Variants in ITGA11 observed in about 807,000 individuals in gnomAD.
ITGA11 encodes integrin subunit alpha 11.
In ITGA11, 97 loss-of-function variants were observed where a neutral mutation model predicts 141.9. The observed-to-expected ratio is 0.68, with a 90% CI of 0.58 to 0.81. The LOEUF is 0.81. Ranked by LOEUF, ITGA11 falls within the 30% of genes least tolerant of loss-of-function variation. The pLI is 0.00. For synonymous variants in ITGA11, 658 were observed against 624.6 expected, an observed-to-expected ratio of 1.05 and a Z score of -0.80; for missense variants, 1,387 against 1,559.2, an observed-to-expected ratio of 0.89 and a Z score of 1.86.
intron 1 of ITGA11, among the ~76,000 whole-genome samples, chr15:68,410,703 G>C (rs1240264882): frequency 6.6e-6 from 1 of 152,216 alleles, no homozygotes; most frequent in African/African-American, 2.4e-5. Flanking sequence ...TTTCAAAGAG[G>C]CATCTAGGAA....
chr15:68,391,792 G>A (rs1001747857), intron 2 of ITGA11, among the ~76,000 whole-genome samples: 1 of 152,212 alleles, frequency 6.6e-6, no homozygotes, highest in Admixed American at 6.5e-5. Context: ...TAACTGGTCT[G>A]TGACTTATTT....
At chr15:68,367,096 A>G (rs1167084461) in intron 3 of ITGA11, among the ~76,000 whole-genome samples, 1 of 152,076 alleles carries the variant, frequency 6.6e-6, no homozygotes, top group Non-Finnish European at 1.5e-5. Context: ...ACCTCAAATG[A>G]AGAGTAATTT....
chr15:68,317,383 A>G lies in ITGA11; in HGVS notation c.2617-20T>C. 1 of 1,550,728 alleles carries G rather than the reference A, an allele frequency of 6.4e-7. No individual in the cohort carries two copies. Among genetic ancestry groups the G allele is most frequent in the African/African-American group, 1.4e-5 (1 of 73,662 alleles). Reference sequence around the variant, plus strand: ...GTCCTCCTGGAGGTGGGTGGCAGACATCATGGCAGCAGTTAGGTGGGGCCT... The same window carrying G: ...GTCCTCCTGGAGGTGGGTGGCAGACGTCATGGCAGCAGTTAGGTGGGGCCT... On this transcript the variant is annotated intron_variant, in intron 20 of 29. Transcript: ENST00000315757.
Position 68,302,971 on chromosome 15 carries a change from T to A in ITGA11, c.*88A>T. ...CAAAGCCAGCTGGCTTCCTCTCCGC[T>A]CCAGCTCGGTGGGGCCACAGGCCTG... On this transcript the variant is annotated 3_prime_UTR_variant, in exon 30 of 30. Coordinates refer to ENST00000315757, the MANE Select transcript of ITGA11 (RefSeq NM_001004439.2). 1 of 1,122,086 alleles carries A rather than the reference T, an allele frequency of 8.9e-7. No homozygotes were observed. Among genetic ancestry groups the A allele is most frequent in the Non-Finnish European group, 1.3e-6 (1 of 782,006 alleles). The allele number at this position is 1,122,086 out of a possible 1,614,324, so 69.5% of individuals were successfully genotyped here. A position where few individuals can be genotyped will look rare whatever the true frequency, so the allele number is the denominator to read the frequency against.
intron 1 of ITGA11, among the ~76,000 whole-genome samples, chr15:68,409,702 C>G (rs1201831045): frequency 6.6e-6 from 1 of 152,070 alleles, no homozygotes; most frequent in Non-Finnish European, 1.5e-5. Context: ...ATGAACAAAG[C>G]TCTTACTATG....
rs1194131246 is a variant in ITGA11 at position 68,299,907 on chromosome 15, A to G, written c.*3152T>C. ...TTAGCACTTTGCCCTTTCCACCTAG[A>G]TACCTGTCATGTCAAGAAACCATCA... On this transcript the variant is annotated 3_prime_UTR_variant, in exon 30 of 30. Transcript: ENST00000315757. The G allele has an allele frequency of 6.6e-6, 1 of 152,168 alleles. No individual in the cohort carries two copies. Among genetic ancestry groups the G allele is most frequent in the African/African-American group, 2.4e-5 (1 of 41,428 alleles). 9.4% of individuals were successfully genotyped at this position (152,168 alleles called of 1,614,324 possible).
At chr15:68,351,555 G>T (rs1894912789) in intron 7 of ITGA11, among the ~76,000 whole-genome samples, 153 bp from the exon 8 acceptor site, 2 of 152,234 alleles carry the variant, frequency 1.3e-5, no homozygotes. Flanking sequence ...GAAGTAGCTG[G>T]ATTGAGATGG....
chr15:68,336,992 C>T (rs1421420359), intron 11 of ITGA11, among the ~76,000 whole-genome samples: 2 of 152,152 alleles, frequency 1.3e-5, no homozygotes, highest in African/African-American at 4.8e-5. Flanking sequence ...ACCAAGACCT[C>T]ACAAGGGGTG....
intron 19 of ITGA11, among the ~76,000 whole-genome samples, chr15:68,320,859 C>A (rs1165014897): frequency 6.6e-6 from 1 of 152,188 alleles, no homozygotes; most frequent in African/African-American, 2.4e-5. Context: ...TAAATCATCT[C>A]ATAGTTGGAT....
chr15:68,431,995 G>A lies in ITGA11; in HGVS notation c.52+20C>T, dbSNP rs2140451416. The A allele has an allele frequency of 1.5e-6, 2 of 1,302,194 alleles. No homozygotes were observed. The highest frequency in any genetic ancestry group is 9.8e-7 in the Non-Finnish European group (1 of 1,020,266). 80.7% of individuals were successfully genotyped at this position (1,302,194 alleles called of 1,614,324 possible). A position where few individuals can be genotyped will look rare whatever the true frequency, so the allele number is the denominator to read the frequency against. On this transcript the variant is annotated intron_variant, in intron 1 of 29. Coordinates refer to ENST00000315757, the MANE Select transcript of ITGA11 (RefSeq NM_001004439.2). The stretch of plus-strand genomic sequence containing the variant: ...GGAGGGACTCCGAGAGGCAAGGGGA[G>A]GCAGAGGGTGGGCACCTACCTGGCC...
At chr15:68,356,665 T>C (rs1895080714) in intron 7 of ITGA11, among the ~76,000 whole-genome samples, 1 of 152,180 alleles carries the variant, frequency 6.6e-6, no homozygotes, top group African/African-American at 2.4e-5. Flanking sequence ...CCCTTCCCCT[T>C]GAATCTGGCC....
chr15:68,341,281 C>G (rs539910997), intron 10 of ITGA11, among the ~76,000 whole-genome samples: 1 of 152,214 alleles, frequency 6.6e-6, no homozygotes, highest in South Asian at 2.1e-4. Flanking sequence ...CGGGCCACGA[C>G]AGGAGCCAGG....
Position 68,326,764 on chromosome 15 carries a change from G to T in ITGA11, c.2101C>A (p.Arg701=). 1 of 1,581,346 alleles carries T rather than the reference G, an allele frequency of 6.3e-7. No homozygotes were observed. The highest frequency in any genetic ancestry group is 8.6e-7 in the Non-Finnish European group (1 of 1,163,260). ...IRYNATMDER[R]YTPRAHLDEG... is the part of the protein sequence containing the mutation. ...TCCAGGTGGGCCCTCGGTGTATACC[G>T]CCTCTCATCCATGGTGGCGTTGTAT... The change falls in exon 17 of 30, where the codon CGG becomes AGG. Residue 701 remains arginine (R), a synonymous_variant. Coordinates refer to ENST00000315757, the MANE Select transcript of ITGA11 (RefSeq NM_001004439.2). This position sits in a 1 kb window ranked among gnomAD's most constrained non-coding sequence, Gnocchi z 6.8.
At chr15:68,354,227 G>A (rs768555336) in intron 7 of ITGA11, among the ~76,000 whole-genome samples, 6 of 152,088 alleles carry the variant, frequency 3.9e-5, no homozygotes, top group South Asian at 2.1e-4. Flanking sequence ...ACGATGGCAC[G>A]GTATTTGTAC....
At chr15:68,410,013 G>C (rs1267258353) in intron 1 of ITGA11, among the ~76,000 whole-genome samples, 2 of 152,190 alleles carry the variant, frequency 1.3e-5, no homozygotes, top group East Asian at 3.8e-4. Flanking sequence ...TTCTTCTTCA[G>C]ACTCATCTAT....
rs1446664451 is a variant in ITGA11 at position 68,335,751 on chromosome 15, G to A, written c.1371C>T (p.Phe457=). ...TGAGGCTCCGGTTGTTGTGCATGGT[G>A]AACAGGATGACCTTGCCCGTGTGGT... is the stretch of plus-strand genomic sequence containing the variant. The part of the protein sequence containing the change: ...RFNHTGKVIL[F]TMHNNRSLTI... The change falls in exon 12 of 30, where the codon TTC becomes TTT. Residue 457 remains phenylalanine, a synonymous_variant. Transcript: ENST00000315757. This position sits in a 1 kb window ranked among gnomAD's most constrained non-coding sequence, Gnocchi z 4.9. The A allele has an allele frequency of 3.7e-6, 6 of 1,613,884 alleles. No homozygotes were observed.
At chr15:68,373,048 A>AT (rs1325825953) in intron 2 of ITGA11, among the ~76,000 whole-genome samples, 1 of 152,114 alleles carries the variant, frequency 6.6e-6, no homozygotes, top group African/African-American at 2.4e-5. Flanking sequence ...ACTCACATTT[A>AT]TTTTATTTCT....
chr15:68,331,021 C>G lies in ITGA11; in HGVS notation c.1861G>C (p.Asp621His), dbSNP rs370402306. ...QLDLNEDGLI[D>H]LAVGALGNAV... ...TTGCCAAGGGCTCCCACTGCCAGGT[C>G]GATGAGCCCATCCTCATTGAGGTCC... The change falls in exon 15 of 30, where the codon GAC becomes CAC. Residue 621 changes from aspartate (D) to histidine (H), a missense_variant. Coordinates refer to ENST00000315757, the MANE Select transcript of ITGA11 (RefSeq NM_001004439.2). 15 of 1,613,552 alleles carry G rather than the reference C, an allele frequency of 9.3e-6. No homozygotes were observed. The highest frequency in any genetic ancestry group is 1.3e-5 in the African/African-American group (1 of 74,908).
intron 2 of ITGA11, among the ~76,000 whole-genome samples, chr15:68,388,677 C>G (rs1896044301): frequency 6.6e-6 from 1 of 152,168 alleles, no homozygotes; most frequent in African/African-American, 2.4e-5. Flanking sequence ...GCCCCTTTCT[C>G]AAGCCCCCAC....
Sources: gnomAD v4.1 joint callset for allele counts (sites outside exome capture counted in the v4.1 genomes callset) on GRCh38, gnomAD v4.1.1 for gene constraint, Gnocchi (gnomAD v3.1) non-coding constraint, MANE v1.5 for transcripts, NCBI Gene and HGNC (gene_info 2026-07-23, HGNC 2026-07-21) for gene names.